Variants in SLC25A21 observed in about 807,000 individuals in gnomAD.
SLC25A21 encodes mitochondrial 2-oxodicarboxylate carrier.
Under a neutral mutation model 43.8 loss-of-function variants are expected in SLC25A21, and 47 were observed. That is an observed-to-expected ratio of 1.07 (90% confidence interval 0.85 to 1.37). The LOEUF (loss-of-function observed/expected upper bound fraction) is 1.37, where lower values mean the gene tolerates loss of function less well. Among genes scored for constraint, SLC25A21 ranks in the 40% most tolerant of loss-of-function variants. The pLI is 0.00. For missense variants in SLC25A21, 352 were observed against 350.2 expected (o/e 1.00, Z -0.04); for synonymous variants, 131 against 121.3 (o/e 1.08, Z -0.52).
intron 1 of SLC25A21, among the ~76,000 whole-genome samples, chr14:37,022,388 T>C (rs1273227670): frequency 6.6e-6 from 1 of 151,906 alleles, no homozygotes; most frequent in Non-Finnish European, 1.5e-5. Flanking sequence ...AATAGAACAA[T>C]AGTGAGAATA....
At chr14:36,771,766 AACT>A (rs1434186126) in intron 3 of SLC25A21, among the ~76,000 whole-genome samples, 1 of 152,066 alleles carries the variant, frequency 6.6e-6, no homozygotes, top group African/African-American at 2.4e-5. Flanking sequence ...AAAAAAAAAA[AACT>A]ACTGTCTCCA....
At chr14:36,748,447 T>C (rs1350537877) in intron 3 of SLC25A21, among the ~76,000 whole-genome samples, 1 of 152,232 alleles carries the variant, frequency 6.6e-6, no homozygotes, top group Admixed American at 6.5e-5. Flanking sequence ...GTCACTGAGC[T>C]TTCTGGATTT....
At chr14:37,039,380 T>C (rs961952655) in intron 1 of SLC25A21, among the ~76,000 whole-genome samples, 2 of 152,180 alleles carry the variant, frequency 1.3e-5, no homozygotes, top group African/African-American at 4.8e-5. Flanking sequence ...AACATATTCA[T>C]CACCCCCAAA....
chr14:36,887,296 G>T (rs1361097027), intron 1 of SLC25A21, among the ~76,000 whole-genome samples: 1 of 151,772 alleles, frequency 6.6e-6, no homozygotes, highest in Non-Finnish European at 1.5e-5. Context: ...AGGCGCGGTG[G>T]CTCACACCTG....
At chr14:37,137,739 A>C (rs779776851) in intron 1 of SLC25A21, among the ~76,000 whole-genome samples, 2 of 152,178 alleles carry the variant, frequency 1.3e-5, no homozygotes, top group Non-Finnish European at 1.5e-5. Flanking sequence ...AATTATTTCC[A>C]CTATTCTCAA....
chr14:36,763,661 C>A (rs992172450), intron 3 of SLC25A21, among the ~76,000 whole-genome samples: 2 of 151,838 alleles, frequency 1.3e-5, no homozygotes, highest in Non-Finnish European at 2.9e-5. Flanking sequence ...TGTGGGTGCT[C>A]ATGTAGGAAT....
At position 36,789,896 on chromosome 14, in the gene SLC25A21, TTA is replaced by T. The variant is rs1338595080; in HGVS notation, c.203+24020_203+24021del. Among the ~76,000 whole-genome samples the T allele has an allele frequency of 1.1e-4, 13 of 119,878 alleles. 1 individual carries two copies. The highest frequency in any genetic ancestry group is 4.3e-4 in the East Asian group (2 of 4,612). 78.6% of individuals were successfully genotyped at this position (119,878 alleles called of 152,430 possible). On this transcript the variant is annotated intron_variant, in intron 3 of 9. Transcript: ENST00000331299. ...ATTATATATTTATATAAAATATATA[TTA>T]TATATATTTATATATATTATATATT...
intron 1 of SLC25A21, among the ~76,000 whole-genome samples, chr14:37,018,176 C>A (rs970517202): frequency 2.6e-5 from 4 of 151,890 alleles, no homozygotes; most frequent in African/African-American, 9.7e-5. Flanking sequence ...ATAGTATAAT[C>A]TTTTCTTTAC....
intron 1 of SLC25A21, among the ~76,000 whole-genome samples, chr14:36,996,270 G>C (rs375417134): frequency 2.0e-4 from 30 of 152,236 alleles, no homozygotes; most frequent in Admixed American, 7.9e-4. Context: ...AGTTCTCTGT[G>C]CTTCACTTGA....
At chr14:37,054,300 A>C (rs952161555) in intron 1 of SLC25A21, among the ~76,000 whole-genome samples, 1 of 152,218 alleles carries the variant, frequency 6.6e-6, no homozygotes, top group Admixed American at 6.5e-5. Flanking sequence ...CTACAACTGA[A>C]TATCACCAAG....
rs564598644 is a variant in SLC25A21, at chr14:36,969,617, G to C, written c.71-94613C>G. On this transcript the variant is annotated intron_variant, in intron 1 of 9. Transcript: ENST00000331299. ...GATCCTCCCGCCTCAGCCTGTTTGG[G>C]AGCTGGGACAACAGGCATGCACCAC... Among the ~76,000 whole-genome samples, 8 of 151,420 alleles carry C rather than the reference G, an allele frequency of 5.3e-5. 1 individual carries two copies. The South Asian group carries it at 1.5e-3, about 28-fold the overall frequency.
rs1387456341 is a variant in SLC25A21, at chr14:36,789,812, TATATA to T, written c.203+24101_203+24105del. 5.3e-5 allele frequency among the ~76,000 whole-genome samples: 5 copies of T among 93,910 alleles called. 1 individual carries two copies. The highest frequency in any genetic ancestry group is 8.3e-5 in the Non-Finnish European group (4 of 48,240). The allele number at this position is 93,910 out of a possible 152,430, so 61.6% of individuals were successfully genotyped here. ...TATATATAATATATTTTATATATTA[TATATA>T]ATATATTTTATATATTTATATTTAA... On this transcript the variant is annotated intron_variant, in intron 3 of 9. Coordinates refer to ENST00000331299, the MANE Select transcript of SLC25A21 (RefSeq NM_030631.4).
At chr14:36,747,763 GC>G (rs1416515938) in intron 3 of SLC25A21, among the ~76,000 whole-genome samples, 1 of 152,152 alleles carries the variant, frequency 6.6e-6, no homozygotes, top group Non-Finnish European at 1.5e-5. Flanking sequence ...TTCTGGAGGT[GC>G]CCCCTAGTGG....
At chr14:37,070,673 C>A (rs188810448) in intron 1 of SLC25A21, among the ~76,000 whole-genome samples, 1 of 152,222 alleles carries the variant, frequency 6.6e-6, no homozygotes, top group Non-Finnish European at 1.5e-5. Context: ...GGGCTGCTGA[C>A]CAGAATTGCA....
chr14:36,843,385 T>A (rs747356233), intron 2 of SLC25A21, among the ~76,000 whole-genome samples: 2 of 152,200 alleles, frequency 1.3e-5, no homozygotes, highest in African/African-American at 4.8e-5. Context: ...AGGGGGAGGA[T>A]CCTAATCAGG....
chr14:36,736,986 T>A (rs1241456332), intron 3 of SLC25A21, among the ~76,000 whole-genome samples: 1 of 152,178 alleles, frequency 6.6e-6, no homozygotes, highest in East Asian at 1.9e-4. Flanking sequence ...AGTGGTGAGT[T>A]TCCCTTTGGT....
intron 1 of SLC25A21, among the ~76,000 whole-genome samples, chr14:37,019,133 G>A (rs1205748278): frequency 3.3e-5 from 5 of 151,846 alleles, no homozygotes; most frequent in East Asian, 1.9e-4. Flanking sequence ...GCCTTCAATG[G>A]TCAATGACAG....
chr14:37,023,764 T>C (rs559946517), intron 1 of SLC25A21, among the ~76,000 whole-genome samples: 1 of 151,966 alleles, frequency 6.6e-6, no homozygotes, highest in South Asian at 2.1e-4. Flanking sequence ...AATTCTCTCA[T>C]GTGTGCTCTC....
At chr14:37,142,655 A>AT (rs970825933) in intron 1 of SLC25A21, among the ~76,000 whole-genome samples, 14 of 152,186 alleles carry the variant, frequency 9.2e-5, no homozygotes, top group Admixed American at 4.6e-4. Context: ...GGCCTAAAAG[A>AT]TTTTTTTAAC....
Sources: gnomAD v4.1 joint callset for allele counts (sites outside exome capture counted in the v4.1 genomes callset) on GRCh38, gnomAD v4.1.1 for gene constraint, MANE v1.5 for transcripts, NCBI Gene and HGNC (gene_info 2026-07-23, HGNC 2026-07-21) for gene names.